Variants in LRIF1 observed in about 807,000 individuals in gnomAD.
LRIF1 encodes ligand-dependent nuclear receptor-interacting factor 1.
In LRIF1, 32 loss-of-function variants were observed where a neutral mutation model predicts 52.7. That is an observed-to-expected ratio of 0.61 (90% CI 0.46 to 0.82). The LOEUF is 0.82. LRIF1 is among the 40% of genes least tolerant of loss of function. The probability of loss-of-function intolerance (pLI) is 0.00; values close to 1 mark genes in which losing one functional copy is unlikely to be tolerated. For missense variants in LRIF1, 887 were observed against 892.0 expected, an observed-to-expected ratio of 0.99 and a Z score of 0.07; for synonymous variants, 323 against 317.4, an observed-to-expected ratio of 1.02 and a Z score of -0.19.
chr1:110,959,116 G>A (rs986728115), intron 1 of LRIF1, among the ~76,000 whole-genome samples: 5 of 152,088 alleles, frequency 3.3e-5, no homozygotes, highest in Non-Finnish European at 7.4e-5. Context: ...CCATTTTCTA[G>A]TCTGGTCACC....
the LRIF1 span, chr1:110,938,439 C>G: frequency 6.6e-6 from 1 of 152,078 alleles, no homozygotes. Flanking sequence ...ATCATATCAA[C>G]AGAATGAAAG....
At chr1:110,902,601 A>G in the LRIF1 span, among the ~76,000 whole-genome samples, 1 of 152,100 alleles carries the variant, frequency 6.6e-6, no homozygotes, top group African/African-American at 2.4e-5. Flanking sequence ...GTGATCTCGG[A>G]ACGTCTGAAA....
At chr1:110,892,711 C>T in the LRIF1 span, 4 of 600,430 alleles carry the variant, frequency 6.7e-6, no homozygotes, top group Admixed American at 9.5e-5. Context: ...ACTAGGGTCC[C>T]ACGGACAGGT....
At chr1:110,956,002 A>T (rs1658682439) in intron 1 of LRIF1, among the ~76,000 whole-genome samples, 1 of 152,198 alleles carries the variant, frequency 6.6e-6, no homozygotes, top group Non-Finnish European at 1.5e-5. Flanking sequence ...AGGAGAGATT[A>T]TGTGCATTTT....
the LRIF1 span, among the ~76,000 whole-genome samples, chr1:110,906,794 C>T: frequency 6.6e-6 from 1 of 151,980 alleles, no homozygotes; most frequent in Admixed American, 6.5e-5. Flanking sequence ...AAAATCCCAA[C>T]AAACTTTTTT....
At chr1:110,877,159 A>G in the LRIF1 span, among the ~76,000 whole-genome samples, 1 of 152,196 alleles carries the variant, frequency 6.6e-6, no homozygotes, top group Non-Finnish European at 1.5e-5. Flanking sequence ...TTAGTCTGGA[A>G]CACTTCCTGA....
the LRIF1 span, among the ~76,000 whole-genome samples, chr1:110,909,969 A>G: frequency 6.6e-6 from 1 of 152,138 alleles, no homozygotes; most frequent in African/African-American, 2.4e-5. Context: ...GTTCAATTCA[A>G]CAAGAAGACT....
At chr1:110,901,709 T>C in the LRIF1 span, among the ~76,000 whole-genome samples, 1 of 151,920 alleles carries the variant, frequency 6.6e-6, no homozygotes, top group African/African-American at 2.4e-5. Context: ...CTCCTGACCT[T>C]AGATGATCCA....
At chr1:110,918,308 G>C in the LRIF1 span, among the ~76,000 whole-genome samples, 1 of 151,968 alleles carries the variant, frequency 6.6e-6, no homozygotes, top group African/African-American at 2.4e-5. Context: ...TAGTAAGACA[G>C]GAACAAAAAA....
At chr1:110,911,996 C>A in the LRIF1 span, among the ~76,000 whole-genome samples, 1 of 152,126 alleles carries the variant, frequency 6.6e-6, no homozygotes, top group East Asian at 1.9e-4. Context: ...TACTGGAATT[C>A]CATCCAGAGC....
chr1:110,952,826 C>T lies in LRIF1; in HGVS notation c.69-11G>A. 6.5e-7 allele frequency: 1 copy of T among 1,536,246 alleles called. No individual in the cohort carries two copies. The highest frequency in any genetic ancestry group is 1.3e-5 in the South Asian group (1 of 78,858). ...ATGCAGCCTGAAACACTTAAAAGAA[C>T]ATTGAGTAAATAAATACAACATACT... On this transcript the variant is annotated splice_polypyrimidine_tract_variant and intron_variant, in intron 1 of 3. Transcript: ENST00000369763.
At chr1:110,924,794 G>A in the LRIF1 span, among the ~76,000 whole-genome samples, 1 of 152,116 alleles carries the variant, frequency 6.6e-6, no homozygotes, top group Non-Finnish European at 1.5e-5. Context: ...CATGAACATA[G>A]ATGCAAAAAT....
chr1:110,896,694 T>G, the LRIF1 span: 2 of 1,613,698 alleles, frequency 1.2e-6, no homozygotes, highest in Non-Finnish European at 1.7e-6. Flanking sequence ...ATTGGACCAG[T>G]GGCCCACCAG....
At chr1:110,913,884 A>C in the LRIF1 span, among the ~76,000 whole-genome samples, 1 of 152,304 alleles carries the variant, frequency 6.6e-6, no homozygotes, top group Non-Finnish European at 1.5e-5. Flanking sequence ...AAGACATGGA[A>C]TCAACCTGGA....
At chr1:110,941,349 C>T in the LRIF1 span, 6 of 152,014 alleles carry the variant, frequency 3.9e-5, no homozygotes, top group African/African-American at 1.4e-4. Context: ...TCCAATCCAA[C>T]ATTACAGGGT....
chr1:110,886,869 A>ATATATT, the LRIF1 span, among the ~76,000 whole-genome samples: 21 of 82,770 alleles, frequency 2.5e-4, no homozygotes, highest in African/African-American at 3.7e-4. Context: ...ATATATATAT[A>ATATATT]TTTTTTTTTT....
the LRIF1 span, among the ~76,000 whole-genome samples, chr1:110,890,208 T>C: frequency 6.6e-6 from 1 of 152,166 alleles, no homozygotes; most frequent in Non-Finnish European, 1.5e-5. Context: ...CTGCTTGATA[T>C]ATCAGTCCTG....
chr1:110,925,061 A>G, the LRIF1 span, among the ~76,000 whole-genome samples: 14 of 152,232 alleles, frequency 9.2e-5, no homozygotes, highest in African/African-American at 3.4e-4. Context: ...AATGATGATT[A>G]ATTTTATGTA....
At chr1:110,952,864 CATTTT>C (rs781608494) in intron 1 of LRIF1, 49 bp from the exon 2 acceptor site, 3 of 945,910 alleles carry the variant, frequency 3.2e-6, no homozygotes, top group Admixed American at 3.2e-5. Context: ...ATGGTATATA[CATTTT>C]ATTTAAAAAT....
Sources: allele counts gnomAD v4.1 joint callset (sites outside exome capture counted in the v4.1 genomes callset), GRCh38; gene constraint gnomAD v4.1.1; transcripts MANE v1.5; gene names NCBI Gene and HGNC (gene_info 2026-07-23, HGNC 2026-07-21).